The following PGR variants were observed in gnomAD, a reference collection of about 807,000 sequenced individuals.
PGR encodes the protein progesterone receptor.
PGR carries 25 observed loss-of-function variants against 76.1 expected under a neutral mutation model. That is an observed-to-expected ratio of 0.33 (90% confidence interval 0.24 to 0.46). PGR has a LOEUF of 0.46. Among genes scored for constraint, PGR ranks in the 20% least tolerant of loss-of-function variants. The probability of loss-of-function intolerance (pLI) is 1.00; values close to 1 mark genes in which losing one functional copy is unlikely to be tolerated. For synonymous variants in PGR, 579 were observed against 535.0 expected (o/e 1.08, Z -1.14); for missense variants, 1,172 against 1,225.3 (o/e 0.96, Z 0.65).
intron 2 of PGR, among the ~76,000 whole-genome samples, chr11:101,121,784 T>C (rs757031467): frequency 7.2e-5 from 11 of 152,212 alleles, no homozygotes; most frequent in African/African-American, 1.2e-4. Flanking sequence ...GTACCTAACA[T>C]AGTGCCTGGC....
At chr11:101,073,812 C>T (rs1861029444) in intron 3 of PGR, among the ~76,000 whole-genome samples, 1 of 152,130 alleles carries the variant, frequency 6.6e-6, no homozygotes, top group Non-Finnish European at 1.5e-5. Flanking sequence ...AGACCAATAA[C>T]AAGTTCTGAA....
intron 2 of PGR, among the ~76,000 whole-genome samples, chr11:101,119,495 C>T (rs1289138849): frequency 6.6e-6 from 1 of 152,114 alleles, no homozygotes; most frequent in African/African-American, 2.4e-5. Flanking sequence ...AAATCTTGAT[C>T]ACAAATGGTC....
Position 101,129,205 on chromosome 11 carries a change from A to C in PGR, c.-135T>G, listed in dbSNP as rs1591441292. 3.7e-5 allele frequency: 4 copies of C among 107,316 alleles called. No homozygotes were observed. Among genetic ancestry groups the C allele is most frequent in the Non-Finnish European group, 6.9e-5 (4 of 58,276 alleles). The allele number at this position is 107,316 out of a possible 1,614,324, so 6.6% of individuals were successfully genotyped here. ...ATGTGGCTGGACCGGAGGGATCTCCACCTCCTGGGTCGGGGGCGGGGGAGG... is the reference window on the plus strand; with the variant it reads ...ATGTGGCTGGACCGGAGGGATCTCCCCCTCCTGGGTCGGGGGCGGGGGAGG... On this transcript the variant is annotated 5_prime_UTR_variant, in exon 1 of 8. Transcript: ENST00000325455.
At chr11:101,112,720 A>C (rs903524746) in intron 2 of PGR, among the ~76,000 whole-genome samples, 9 of 152,126 alleles carry the variant, frequency 5.9e-5, no homozygotes, top group Non-Finnish European at 1.3e-4. Flanking sequence ...AGTTATGAAA[A>C]GCTTCTTTTA....
intron 2 of PGR, among the ~76,000 whole-genome samples, chr11:101,104,239 A>G (rs954080970): frequency 2.0e-5 from 3 of 152,182 alleles, no homozygotes; most frequent in East Asian, 1.9e-4. Context: ...GAATCACTGG[A>G]TATTTATGGG....
At chr11:101,042,693 C>A (rs1404345436) in intron 6 of PGR, among the ~76,000 whole-genome samples, 1 of 152,130 alleles carries the variant, frequency 6.6e-6, no homozygotes, top group Non-Finnish European at 1.5e-5. Flanking sequence ...CTTTGTTACA[C>A]AGGCATATCT....
intron 2 of PGR, among the ~76,000 whole-genome samples, chr11:101,125,393 G>C (rs1404548493): frequency 6.6e-6 from 1 of 152,030 alleles, no homozygotes; most frequent in South Asian, 2.1e-4. Flanking sequence ...TGATGTCCAG[G>C]TTTTTTATTT....
chr11:101,053,933 T>C (rs1454871924), intron 4 of PGR, among the ~76,000 whole-genome samples: 1 of 152,110 alleles, frequency 6.6e-6, no homozygotes, highest in Non-Finnish European at 1.5e-5. Context: ...ACCTCCTCCT[T>C]CTTTGGGCTT....
In PGR at chr11:101,128,305, C is replaced by G. The variant is rs968931479; in HGVS notation, c.766G>C (p.Val256Leu). 2.5e-6 allele frequency: 4 copies of G among 1,593,414 alleles called. No individual in the cohort carries two copies. The African/African-American group carries it at 5.4e-5, about 21-fold the overall frequency. The change falls in exon 1 of 8, where the codon GTC becomes CTC. Residue 256 changes from valine (V) to leucine (L), a missense_variant. Val to Leu is a conservative substitution (Grantham distance 32, BLOSUM62 1). Coordinates refer to ENST00000325455, the MANE Select transcript of PGR (RefSeq NM_000926.4). ...CCTCCTGCTGCCGCCCCCGGCGGGA[C>G]AGCCGCGGCTCCTCCTCCAGCCGCC... ...GAAAGGGAAA[V>L]PPGAAAGGVA...
intron 2 of PGR, among the ~76,000 whole-genome samples, chr11:101,109,696 CA>C (rs1565363242): frequency 6.6e-6 from 1 of 152,186 alleles, no homozygotes; most frequent in Non-Finnish European, 1.5e-5. Flanking sequence ...GAAGCTGCAG[CA>C]AGTTATCCAA....
At position 101,128,812 on chromosome 11, in the gene PGR, A is replaced by G. The variant is rs751679548; in HGVS notation, c.259T>C (p.Tyr87His). The G allele has an allele frequency of 1.1e-5, 17 of 1,614,022 alleles. No homozygotes were observed. The East Asian group carries it at 3.8e-4, about 36-fold the overall frequency. Residue 87 changes from tyrosine (Y) to histidine (H), a missense_variant, in exon 1 of 8, where the codon TAT becomes CAT. Tyr to His is a moderately conservative substitution (Grantham distance 83). Coordinates refer to ENST00000325455, the MANE Select transcript of PGR (RefSeq NM_000926.4). ...QQSLSDVEGAYSRAEATRGAG... is the reference protein window; with the variant it reads ...QQSLSDVEGAHSRAEATRGAG... ...CCCCTTGTAGCTTCAGCTCTGGAAT[A>G]TGCGCCCTCCACGTCCGACAGCGAC...
chr11:101,101,920 T>G (rs1426578303), intron 2 of PGR, among the ~76,000 whole-genome samples: 2 of 152,200 alleles, frequency 1.3e-5, no homozygotes, highest in East Asian at 1.9e-4. Flanking sequence ...GTAGCAATTT[T>G]TAAGCACATA....
chr11:101,099,197 A>T (rs1861924711), intron 2 of PGR, among the ~76,000 whole-genome samples: 1 of 152,252 alleles, frequency 6.6e-6, no homozygotes, highest in Admixed American at 6.5e-5. Context: ...TGTGTAAACA[A>T]ATGGTTTTAT....
intron 7 of PGR, chr11:101,041,683 T>C (rs1246595390): frequency 1.4e-5 from 6 of 416,042 alleles, no homozygotes; most frequent in Non-Finnish European, 2.2e-5. Flanking sequence ...TTAGAACATA[T>C]TCAGGAAATG....
intron 7 of PGR, 39 bp downstream of exon 7, chr11:101,041,906 G>A: frequency 6.4e-7 from 1 of 1,554,494 alleles, no homozygotes; most frequent in Non-Finnish European, 8.9e-7. Context: ...GAAATTCAGA[G>A]AATAATCATT....
At chr11:101,112,487 G>A (rs1862373549) in intron 2 of PGR, among the ~76,000 whole-genome samples, 1 of 152,258 alleles carries the variant, frequency 6.6e-6, no homozygotes, top group Non-Finnish European at 1.5e-5. Context: ...TGGGATTATA[G>A]TTCAGAGGCC....
At chr11:101,064,543 G>T (rs1860644554) in intron 3 of PGR, among the ~76,000 whole-genome samples, 1 of 151,968 alleles carries the variant, frequency 6.6e-6, no homozygotes, top group Non-Finnish European at 1.5e-5. Flanking sequence ...TATAGCATAT[G>T]CCAGGAATTG....
At position 101,062,700 on chromosome 11, in the gene PGR, A is replaced by G. The variant is rs191827469; in HGVS notation, c.1959T>C (p.Ala653=). 1.2e-6 allele frequency: 2 copies of G among 1,613,902 alleles called. No individual in the cohort carries two copies. Among genetic ancestry groups the G allele is most frequent in the African/African-American group, 2.7e-5 (2 of 75,058 alleles). ...CGCCCACTGGCTGTGGGAGAGCAAC[A>G]GCATCCAGTGCTCTCACAACTCTGA... ...NKVRVVRALD[A]VALPQPVGVP... is the part of the protein sequence containing the mutation. Residue 653 remains alanine, a synonymous_variant, in exon 4 of 8, where the codon GCT becomes GCC. Transcript: ENST00000325455.
chr11:101,045,548 T>G (rs1403559760), intron 6 of PGR, among the ~76,000 whole-genome samples: 1 of 152,162 alleles, frequency 6.6e-6, no homozygotes, highest in African/African-American at 2.4e-5. Flanking sequence ...AGCGAGAACA[T>G]GTGGTATCTG....
Sources: gnomAD v4.1 joint callset for allele counts (sites outside exome capture counted in the v4.1 genomes callset) on GRCh38, gnomAD v4.1.1 for gene constraint, MANE v1.5 for transcripts, NCBI Gene and HGNC (gene_info 2026-07-23, HGNC 2026-07-21) for gene names.